The following GRID2 variants were observed in gnomAD, a reference collection of about 807,000 sequenced individuals.
GRID2 encodes the protein glutamate ionotropic receptor delta type subunit 2.
GRID2 carries 33 observed loss-of-function variants against 114.8 expected under a neutral mutation model. The ratio of observed to expected loss-of-function variants is 0.29; its 90% CI spans 0.22 to 0.38. GRID2 has a LOEUF of 0.38. GRID2 is among the 10% of genes least tolerant of loss of function. The pLI, the probability that GRID2 is intolerant of heterozygous loss-of-function variation, is 1.00. For missense variants in GRID2, 1,184 were observed against 1,257.7 expected (o/e 0.94, Z 0.89); for synonymous variants, 505 against 449.9 (o/e 1.12, Z -1.55).
chr4:93,412,589 CTTTTA>C lies in GRID2; in HGVS notation c.1348-10176_1348-10172del, dbSNP rs373295013. On this transcript the variant is annotated intron_variant, in intron 9 of 15. Coordinates refer to ENST00000282020, the MANE Select transcript of GRID2 (RefSeq NM_001510.4). ...GCCTTTCACTTTTATTTTTCTTTTT[CTTTTA>C]TTTTACTTTAAGTTCCAGGATACAT... 5.9e-3 allele frequency among the ~76,000 whole-genome samples: 894 copies of C among 151,948 alleles called. 4 individuals are homozygous for C. Among genetic ancestry groups the C allele is most frequent in the African/African-American group, 0.021 (853 of 41,420 alleles).
chr4:93,710,607 C>G (rs181666412), intron 14 of GRID2, among the ~76,000 whole-genome samples: 301 of 152,212 alleles, frequency 2.0e-3, no homozygotes, highest in African/African-American at 6.9e-3. Flanking sequence ...ATTCAAGGCC[C>G]AAGGGCTCTT....
At chr4:93,541,609 ACT>A (rs59879020) in intron 13 of GRID2, among the ~76,000 whole-genome samples, 46,826 of 151,788 alleles carry the variant, frequency 0.31, 7,856 homozygotes, top group African/African-American at 0.43. Flanking sequence ...TCATTTACAG[ACT>A]CTCATGCCAT....
At chr4:93,096,027 G>C (rs1437941824) in intron 3 of GRID2, among the ~76,000 whole-genome samples, 1 of 151,946 alleles carries the variant, frequency 6.6e-6, no homozygotes, top group Non-Finnish European at 1.5e-5. Context: ...TTGACAAATA[G>C]ATTCATGGGA....
intron 1 of GRID2, among the ~76,000 whole-genome samples, chr4:92,372,894 C>T (rs537996622): frequency 2.0e-5 from 3 of 152,070 alleles, no homozygotes; most frequent in South Asian, 2.1e-4. Flanking sequence ...CATCTGATTC[C>T]GAAAATTATT....
intron 2 of GRID2, among the ~76,000 whole-genome samples, chr4:92,934,427 G>A (rs1032644556): frequency 6.8e-6 from 1 of 148,092 alleles, no homozygotes; most frequent in Admixed American, 7.2e-5. Flanking sequence ...AGGAGATTTT[G>A]GGCTGAGACA....
rs556829338 is a variant in GRID2, at chr4:93,787,725, G to A, written c.221+18275G>A. The stretch of plus-strand genomic sequence containing the variant: ...TTAAGACAGTGTCTGGTATATGAGG[G>A]TCATTGAATTACTGCTTGTTGAATT... On this transcript the variant is annotated intron_variant, in intron 1 of 1. Transcript: ENST00000637838. Among the ~76,000 whole-genome samples the A allele has an allele frequency of 3.9e-5, 6 of 152,268 alleles. No homozygotes were observed. In the South Asian group the frequency reaches 1.2e-3, roughly 32 times the overall value.
At chr4:92,548,428 G>GTTTT (rs1257540747) in intron 1 of GRID2, among the ~76,000 whole-genome samples, 14 of 9,566 alleles carry the variant, frequency 1.5e-3, no homozygotes, top group African/African-American at 2.2e-3. Flanking sequence ...TTGAGACAGA[G>GTTTT]TCTTGTTCTG....
At chr4:93,459,249 T>A (rs1470659447) in intron 11 of GRID2, among the ~76,000 whole-genome samples, 1 of 149,362 alleles carries the variant, frequency 6.7e-6, no homozygotes, top group Admixed American at 6.6e-5. Context: ...CTCAATAAGA[T>A]TACAGAAAAA....
rs200430974 is a variant in GRID2, at chr4:93,085,051, T to C, written c.301T>C (p.Ser101Pro). Residue 101 changes from serine to proline, a missense_variant, in exon 3 of 16, where the codon TCA becomes CCA. By Grantham distance (74) the Ser-to-Pro change is moderately conservative (BLOSUM62 -1). Around this residue, in one of 3 missense-constraint regions of GRID2, gnomAD observed 455 missense variants for 429.5 expected, o/e 1.06. Coordinates refer to ENST00000282020, the MANE Select transcript of GRID2 (RefSeq NM_001510.4). The stretch of plus-strand genomic sequence containing the variant: ...CCTGGTCAGCTCCATTGGCTGCACG[T>C]CAGCAGGATCCCTCCAGTCTTTGGC... ...LALVSSIGCT[S>P]AGSLQSLADA... 6.2e-7 allele frequency: 1 copy of C among 1,614,118 alleles called. No individual in the cohort carries two copies. The highest frequency in any genetic ancestry group is 1.3e-5 in the African/African-American group (1 of 75,068).
intron 2 of GRID2, among the ~76,000 whole-genome samples, chr4:92,984,443 C>T (rs1369492856): frequency 6.6e-6 from 1 of 152,210 alleles, no homozygotes; most frequent in African/African-American, 2.4e-5. Flanking sequence ...CTTGTTTACT[C>T]TTTGTTAGAG....
chr4:92,613,040 TATG>T (rs1182602805), intron 2 of GRID2, among the ~76,000 whole-genome samples: 1 of 151,466 alleles, frequency 6.6e-6, no homozygotes, highest in African/African-American at 2.4e-5. Flanking sequence ...GAGCTTTAAA[TATG>T]ATGTTAGCTG....
At chr4:92,440,253 A>AG (rs1732971967) in intron 1 of GRID2, among the ~76,000 whole-genome samples, 1 of 146,150 alleles carries the variant, frequency 6.8e-6, no homozygotes, top group Non-Finnish European at 1.5e-5. Flanking sequence ...GAATACTAAG[A>AG]GCCTGAAAAA....
chr4:92,390,644 T>C (rs899999674), intron 1 of GRID2, among the ~76,000 whole-genome samples: 3 of 152,182 alleles, frequency 2.0e-5, no homozygotes, highest in African/African-American at 4.8e-5. Flanking sequence ...TGAAAGGCTA[T>C]CGTTTTAAAT....
intron 2 of GRID2, among the ~76,000 whole-genome samples, chr4:92,634,123 A>ACAG (rs199875300): frequency 1.5e-4 from 22 of 149,352 alleles, no homozygotes; most frequent in African/African-American, 5.5e-4. Flanking sequence ...GCAAAAAAAA[A>ACAG]AACAACAAAA....
intron 8 of GRID2, among the ~76,000 whole-genome samples, chr4:93,240,758 G>GTT (rs879317232): frequency 4.7e-5 from 7 of 149,116 alleles, no homozygotes; most frequent in Middle Eastern, 7.1e-3. Context: ...CTATCTAGAA[G>GTT]TTTTTTTTTT....
At chr4:92,926,969 T>C (rs78680516) in intron 2 of GRID2, among the ~76,000 whole-genome samples, 7,133 of 151,918 alleles carry the variant, frequency 0.047, 285 homozygotes, top group East Asian at 0.19. Context: ...ACATGAACTT[T>C]AGGAGACACA....
At chr4:92,554,735 A>G (rs1364214787) in intron 1 of GRID2, among the ~76,000 whole-genome samples, 2 of 152,218 alleles carry the variant, frequency 1.3e-5, no homozygotes, top group African/African-American at 4.8e-5. Flanking sequence ...GTAACTTCTC[A>G]GATAAATGAT....
chr4:93,394,507 G>A (rs2149328400), intron 8 of GRID2, among the ~76,000 whole-genome samples: 1 of 151,862 alleles, frequency 6.6e-6, no homozygotes, highest in South Asian at 2.1e-4. Flanking sequence ...TATTTGTGGG[G>A]GAGACTTGCC....
At chr4:92,691,224 T>G (rs575961329) in intron 2 of GRID2, among the ~76,000 whole-genome samples, 1 of 152,330 alleles carries the variant, frequency 6.6e-6, no homozygotes, top group African/African-American at 2.4e-5. Context: ...TTTTATTTTA[T>G]ATTTTATATC....
Sources: gnomAD v4.1 joint callset for allele counts (sites outside exome capture counted in the v4.1 genomes callset) on GRCh38, gnomAD v4.1.1 for gene constraint, gnomAD v4.1.1 regional missense constraint, MANE v1.5 for transcripts, NCBI Gene and HGNC (gene_info 2026-07-23, HGNC 2026-07-21) for gene names.